Variants in DPYSL3 observed in about 807,000 individuals in gnomAD.
The protein encoded by DPYSL3 is dihydropyrimidinase-related protein 3.
In DPYSL3, 16 loss-of-function variants were observed where a neutral mutation model predicts 66.1. The ratio of observed to expected loss-of-function variants is 0.24; its 90% confidence interval spans 0.16 to 0.37. The LOEUF (loss-of-function observed/expected upper bound fraction) is 0.37, where lower values mean the gene tolerates loss of function less well. Ranked by LOEUF, DPYSL3 falls within the 10% of genes least tolerant of loss-of-function variation. The probability of loss-of-function intolerance (pLI) is 1.00; values close to 1 mark genes in which losing one functional copy is unlikely to be tolerated. For missense variants in DPYSL3, 738 were observed against 916.2 expected, an observed-to-expected ratio of 0.81 and a Z score of 2.51; for synonymous variants, 338 against 345.1, an observed-to-expected ratio of 0.98 and a Z score of 0.23.
intron 1 of DPYSL3, chr5:147,454,293 G>C (rs1246526299): frequency 1.3e-5 from 2 of 152,252 alleles, no homozygotes; most frequent in Non-Finnish European, 2.9e-5. Flanking sequence ...AGGGCTGGGC[G>C]CCGCCTCTGC....
At chr5:147,453,960 T>C (rs1752797632) in intron 1 of DPYSL3, 3 of 273,984 alleles carry the variant, frequency 1.1e-5, no homozygotes, top group Middle Eastern at 1.0e-3. Flanking sequence ...TGCATCTGCC[T>C]CACCCACTTT....
At chr5:147,397,297 G>C (rs1284747172) in intron 12 of DPYSL3, among the ~76,000 whole-genome samples, 1 of 151,774 alleles carries the variant, frequency 6.6e-6, no homozygotes, top group African/African-American at 2.4e-5. Flanking sequence ...GAGCAGCACT[G>C]GACAGAATGA....
chr5:147,449,507 T>C (rs1387115014), intron 1 of DPYSL3, among the ~76,000 whole-genome samples: 2 of 152,216 alleles, frequency 1.3e-5, no homozygotes, highest in Admixed American at 1.3e-4. Flanking sequence ...ATTTGTCTCC[T>C]AGAGGGAATT....
intron 6 of DPYSL3, 96 bp downstream of exon 6, chr5:147,412,512 C>T (rs1237112693): frequency 8.1e-7 from 1 of 1,229,990 alleles, no homozygotes; most frequent in Non-Finnish European, 1.2e-6. Context: ...TATGATGGTG[C>T]CTTGCACATA....
At chr5:147,449,876 A>G (rs1432631368) in intron 1 of DPYSL3, among the ~76,000 whole-genome samples, 1 of 152,198 alleles carries the variant, frequency 6.6e-6, no homozygotes, top group Non-Finnish European at 1.5e-5. Context: ...TACCTGTAGA[A>G]TTGATGGTGA....
intron 1 of DPYSL3, chr5:147,454,139 C>G (rs1005626623): frequency 5.3e-5 from 8 of 152,310 alleles, no homozygotes; most frequent in African/African-American, 1.9e-4. Flanking sequence ...CGGGCGCCGC[C>G]GCCCCCAGCC....
chr5:147,405,563 C>T lies in DPYSL3; in HGVS notation c.1153+47G>A, dbSNP rs377653703. 15 of 1,579,328 alleles carry T rather than the reference C, an allele frequency of 9.5e-6. No homozygotes were observed. In the African/African-American group the frequency reaches 1.9e-4, roughly 20 times the overall value. ...ACAGGACAACCAGAGAGGGAAGGAG[C>T]CACACAGTGCCATCAGGGGCTCCGA... On this transcript the variant is annotated intron_variant, in intron 8 of 13. Coordinates refer to ENST00000343218, the MANE Select transcript of DPYSL3 (RefSeq NM_001197294.2).
Position 147,470,914 on chromosome 5 carries a change from A to G in DPYSL3, c.381+38564T>C, listed in dbSNP as rs148818842. Among the ~76,000 whole-genome samples the G allele has an allele frequency of 4.9e-3, 750 of 152,248 alleles. 4 individuals are homozygous for G. The highest frequency in any genetic ancestry group is 0.014 in the Middle Eastern group (4 of 294). ...CCCTGCTGACCTCGGTCCTCCACCT[A>G]TAAAGTATGTTATAATGATCTGTTT... On this transcript the variant is annotated intron_variant, in intron 1 of 13. Coordinates refer to ENST00000343218, the MANE Select transcript of DPYSL3 (RefSeq NM_001197294.2).
Position 147,465,241 on chromosome 5 carries a change from C to T in DPYSL3, c.382-40278G>A, listed in dbSNP as rs376804784. Among the ~76,000 whole-genome samples, 6 of 152,016 alleles carry T rather than the reference C, an allele frequency of 3.9e-5. No individual in the cohort carries two copies. The South Asian group carries it at 1.0e-3, about 26-fold the overall frequency. On this transcript the variant is annotated intron_variant, in intron 1 of 13. Transcript: ENST00000343218. Reference sequence around the variant, plus strand: ...ACAAAAAACAAAACAACAACAATAACGAGGAAGTGAATCTGAGCTATATGA... The same window carrying T: ...ACAAAAAACAAAACAACAACAATAATGAGGAAGTGAATCTGAGCTATATGA...
intron 1 of DPYSL3, among the ~76,000 whole-genome samples, chr5:147,468,111 G>A (rs1171119912): frequency 1.3e-5 from 2 of 152,162 alleles, no homozygotes; most frequent in East Asian, 3.8e-4. Flanking sequence ...GACCATAGCA[G>A]TGATCCTTTA....
At chr5:147,412,158 C>T (rs1191421803) in intron 6 of DPYSL3, among the ~76,000 whole-genome samples, 1 of 152,240 alleles carries the variant, frequency 6.6e-6, no homozygotes. Flanking sequence ...GACCTTTGCT[C>T]CTCATGAGAC....
At chr5:147,412,486 T>A (rs1023688327) in intron 6 of DPYSL3, 122 bp downstream of exon 6, 1 of 950,696 alleles carries the variant, frequency 1.1e-6, no homozygotes, top group Admixed American at 2.1e-5. Flanking sequence ...GCAGGTTCTG[T>A]CTTTAGCAAG....
intron 1 of DPYSL3, among the ~76,000 whole-genome samples, chr5:147,438,757 T>G (rs1039429823): frequency 1.2e-4 from 19 of 152,380 alleles, no homozygotes; most frequent in Non-Finnish European, 2.8e-4. Flanking sequence ...ACATGTTTTA[T>G]GTCTATCAAA....
chr5:147,427,780 A>G (rs1333006214), intron 1 of DPYSL3, among the ~76,000 whole-genome samples: 1 of 152,156 alleles, frequency 6.6e-6, no homozygotes, highest in African/African-American at 2.4e-5. Flanking sequence ...GTGACAGAAC[A>G]TCTTCAACAG....
intron 1 of DPYSL3, among the ~76,000 whole-genome samples, chr5:147,450,492 A>G (rs961467332): frequency 6.6e-6 from 1 of 152,180 alleles, no homozygotes; most frequent in East Asian, 1.9e-4. Context: ...GTTGAGGTAG[A>G]ACAGATAATC....
intron 1 of DPYSL3, among the ~76,000 whole-genome samples, chr5:147,487,829 A>T (rs924352602): frequency 5.9e-5 from 9 of 152,186 alleles, no homozygotes; most frequent in Admixed American, 2.0e-4. Flanking sequence ...TTCCAGATAC[A>T]CTGCCTTCAT....
intron 1 of DPYSL3, among the ~76,000 whole-genome samples, chr5:147,457,130 T>C (rs1752864156): frequency 6.6e-6 from 1 of 152,192 alleles, no homozygotes; most frequent in Admixed American, 6.5e-5. Context: ...GCAATGGAGG[T>C]GAATAATAAG....
intron 1 of DPYSL3, among the ~76,000 whole-genome samples, chr5:147,425,253 T>G (rs1168440047): frequency 6.6e-6 from 1 of 152,170 alleles, no homozygotes; most frequent in Non-Finnish European, 1.5e-5. Context: ...GAGACATCCT[T>G]TATATTATAT....
intron 1 of DPYSL3, among the ~76,000 whole-genome samples, chr5:147,487,542 C>CA (rs1753352461): frequency 6.6e-6 from 1 of 152,282 alleles, no homozygotes; most frequent in South Asian, 2.1e-4. Flanking sequence ...CAGGAGTTGG[C>CA]AAACTATTGT....
Sources: allele counts gnomAD v4.1 joint callset (sites outside exome capture counted in the v4.1 genomes callset), GRCh38; gene constraint gnomAD v4.1.1; transcripts MANE v1.5; gene names NCBI Gene and HGNC (gene_info 2026-07-23, HGNC 2026-07-21).